WDR17: variants seen among roughly 807,000 people sequenced by gnomAD.
WDR17 encodes the protein WD repeat-containing protein 17.
A neutral mutation model predicts 161.7 loss-of-function variants in WDR17; 143 were observed. The ratio of observed to expected loss-of-function variants is 0.88; its 90% CI spans 0.77 to 1.02. WDR17 has a LOEUF of 1.02. WDR17 is among the 50% of genes least tolerant of loss of function. The pLI is 0.00. For synonymous variants in WDR17, 517 were observed against 515.6 expected (o/e 1.00, Z -0.04); for missense variants, 1,469 against 1,520.9 (o/e 0.97, Z 0.57).
chr4:176,130,226 C>T (rs898343639), intron 6 of WDR17, among the ~76,000 whole-genome samples: 2 of 152,100 alleles, frequency 1.3e-5, no homozygotes, highest in African/African-American at 4.8e-5. Context: ...AGTTGTCTAA[C>T]CCACCTATAA....
intron 1 of WDR17, among the ~76,000 whole-genome samples, chr4:176,076,214 A>ATAT (rs1561066263): frequency 2.2e-4 from 14 of 62,272 alleles, no homozygotes; most frequent in Middle Eastern, 8.6e-3. Context: ...TTACATATAT[A>ATAT]ATATATATAT....
chr4:176,093,747 AC>A (rs756907618), intron 1 of WDR17, among the ~76,000 whole-genome samples: 6 of 151,658 alleles, frequency 4.0e-5, no homozygotes, highest in Non-Finnish European at 7.4e-5. Flanking sequence ...TCAACTCTGC[AC>A]CCCAGGGAGG....
At chr4:176,123,926 C>A (rs1331828319) in intron 4 of WDR17, among the ~76,000 whole-genome samples, 1 of 152,174 alleles carries the variant, frequency 6.6e-6, no homozygotes, top group Non-Finnish European at 1.5e-5. Flanking sequence ...CTAGTGGCCA[C>A]CAGCTACCTA....
chr4:176,172,526 T>G lies in WDR17; in HGVS notation c.3244+10T>G. On this transcript the variant is annotated intron_variant, in intron 24 of 28. Transcript: ENST00000508596. ...ATTAGCTTTGTTAAAGGTAAGTAAT[T>G]AGTTGGTAGTAGAATTTTAAATATA... is the stretch of plus-strand genomic sequence containing the variant. 6.4e-7 allele frequency: 1 copy of G among 1,567,468 alleles called. No homozygotes were observed. Among genetic ancestry groups the G allele is most frequent in the East Asian group, 2.3e-5 (1 of 44,194 alleles).
intron 18 of WDR17, among the ~76,000 whole-genome samples, chr4:176,159,168 G>T (rs1748614427): frequency 6.6e-6 from 1 of 151,990 alleles, no homozygotes; most frequent in African/African-American, 2.4e-5. Flanking sequence ...AAATAGACCA[G>T]GTTATTTTTA....
intron 1 of WDR17, among the ~76,000 whole-genome samples, chr4:176,080,746 C>T (rs1161892970): frequency 1.3e-5 from 2 of 152,050 alleles, no homozygotes; most frequent in Non-Finnish European, 2.9e-5. Context: ...TCTCCTTTGA[C>T]ATTTAACATA....
intron 1 of WDR17, among the ~76,000 whole-genome samples, chr4:176,067,198 C>T (rs1732639885): frequency 6.6e-6 from 1 of 152,158 alleles, no homozygotes; most frequent in Admixed American, 6.5e-5. Context: ...GTTTTGAAGG[C>T]AGACGTCTGA....
At chr4:176,124,694 G>A (rs948298617) in intron 4 of WDR17, among the ~76,000 whole-genome samples, 10 of 152,202 alleles carry the variant, frequency 6.6e-5, no homozygotes, top group African/African-American at 2.4e-4. Context: ...GAACCAGGCA[G>A]TCAGCCAGCT....
intron 23 of WDR17, among the ~76,000 whole-genome samples, chr4:176,171,435 A>T (rs192901214): frequency 2.2e-4 from 33 of 152,290 alleles, no homozygotes; most frequent in Admixed American, 2.0e-3. Flanking sequence ...ATGAATAAGG[A>T]TGGGGAAACA....
chr4:176,112,049 C>G (rs1404348967), intron 2 of WDR17, among the ~76,000 whole-genome samples: 1 of 152,108 alleles, frequency 6.6e-6, no homozygotes, highest in African/African-American at 2.4e-5. Flanking sequence ...TGTCCTAGCT[C>G]CATTCAGATA....
rs750824932 is a variant in WDR17 at position 176,142,011 on chromosome 4, C to G, written c.1471C>G (p.Leu491Val). The G allele has an allele frequency of 6.2e-7, 1 of 1,607,872 alleles. No homozygotes were observed. Among genetic ancestry groups the G allele is most frequent in the Non-Finnish European group, 8.5e-7 (1 of 1,176,454 alleles). ...TATTCGAACAATTGATGGTAAAGTG[C>G]TACACAAATATAAACATCCAGCTGC... The part of the protein sequence containing the change: ...CIIRTIDGKV[L>V]HKYKHPAAVF... The change falls in exon 11 of 29, where the codon CTA (leucine) becomes GTA (valine). Residue 491 changes from leucine to valine, a missense_variant. Leu to Val is a conservative substitution (Grantham distance 32). Transcript: ENST00000508596.
chr4:176,139,938 C>T lies in WDR17; in HGVS notation c.1406C>T (p.Ser469Phe), dbSNP rs749649697. Reference protein sequence around the residue: ...IFCIAWSHKDSKRIATCSSDG... With the variant: ...IFCIAWSHKDFKRIATCSSDG... ...TGCATTGCCTGGAGTCATAAAGATTCTAAAAGAATAGCAACCTGCAGCAGT... is the reference window on the plus strand; with the variant it reads ...TGCATTGCCTGGAGTCATAAAGATTTTAAAAGAATAGCAACCTGCAGCAGT... The change falls in exon 10 of 29, where the codon TCT becomes TTT. Residue 469 changes from serine (S) to phenylalanine (F), a missense_variant. Transcript: ENST00000508596. The T allele has an allele frequency of 1.2e-6, 2 of 1,611,904 alleles. No individual in the cohort carries two copies. The highest frequency in any genetic ancestry group is 2.2e-5 in the South Asian group (2 of 90,850).
chr4:176,066,915 G>C lies in WDR17; in HGVS notation c.-7+836G>C, dbSNP rs1309842099. Reference sequence around the variant, plus strand: ...CAAAGCCCAACAATGTGAGATTATAGTTGCCGTTCTTAGCACTCTAATAAC... The same window carrying C: ...CAAAGCCCAACAATGTGAGATTATACTTGCCGTTCTTAGCACTCTAATAAC... On this transcript the variant is annotated intron_variant, in intron 1 of 28. Transcript: ENST00000508596. Among the ~76,000 whole-genome samples the C allele has an allele frequency of 5.3e-5, 8 of 152,254 alleles. No individual in the cohort carries two copies. The South Asian group carries it at 1.7e-3, about 32-fold the overall frequency.
At chr4:176,113,625 T>C (rs1027195818) in intron 2 of WDR17, among the ~76,000 whole-genome samples, 1 of 151,974 alleles carries the variant, frequency 6.6e-6, no homozygotes, top group Admixed American at 6.6e-5. Flanking sequence ...TAATAAGTAG[T>C]GTTTTAAATA....
chr4:176,156,569 G>C (rs191002735), intron 18 of WDR17, among the ~76,000 whole-genome samples: 2 of 151,894 alleles, frequency 1.3e-5, no homozygotes, highest in Admixed American at 1.3e-4. Context: ...AGGCACTGAT[G>C]ATAAAGAAGG....
chr4:176,119,207 A>G lies in WDR17; in HGVS notation c.308-660A>G, dbSNP rs541662442. On this transcript the variant is annotated intron_variant, in intron 3 of 28. Transcript: ENST00000508596. ...ATTCCATCTTATTGATGGAATGTAA[A>G]TGTACCTTTACATAAATGATTTTAT... Among the ~76,000 whole-genome samples the G allele has an allele frequency of 1.2e-4, 18 of 152,268 alleles. No individual in the cohort carries two copies. The South Asian group carries it at 1.2e-3, about 11-fold the overall frequency.
At chr4:176,093,496 T>A (rs1012013247) in intron 1 of WDR17, among the ~76,000 whole-genome samples, 1 of 152,206 alleles carries the variant, frequency 6.6e-6, no homozygotes, top group African/African-American at 2.4e-5. Context: ...TATTTTATTT[T>A]AATTACTGAT....
intron 4 of WDR17, 22 bp downstream of exon 4, chr4:176,120,119 T>G: frequency 6.4e-7 from 1 of 1,554,146 alleles, no homozygotes; most frequent in East Asian, 2.3e-5. Flanking sequence ...ATTAGCAAGG[T>G]ATCTTAAATA....
At position 176,148,238 on chromosome 4, in the gene WDR17, G is replaced by T. The variant is rs183328957; in HGVS notation, c.1800G>T (p.Leu600=). ...GLMWNTEIPY[L]LISGSWDYTI... The stretch of plus-strand genomic sequence containing the variant: ...TGTGGAATACTGAGATTCCATATCT[G>T]CTCATATCTGGCAGCTGGGACTATA... Residue 600 remains leucine, a synonymous_variant, in exon 13 of 29, where the codon CTG becomes CTT. Coordinates refer to ENST00000508596, the MANE Select transcript of WDR17 (RefSeq NM_181265.4). 5 of 1,613,858 alleles carry T rather than the reference G, an allele frequency of 3.1e-6. No individual in the cohort carries two copies. The highest frequency in any genetic ancestry group is 4.2e-6 in the Non-Finnish European group (5 of 1,179,930).
Sources: gnomAD v4.1 joint callset for allele counts (sites outside exome capture counted in the v4.1 genomes callset) on GRCh38, gnomAD v4.1.1 for gene constraint, MANE v1.5 for transcripts, NCBI Gene and HGNC (gene_info 2026-07-23, HGNC 2026-07-21) for gene names.